SPOCK3: variants seen among roughly 807,000 people sequenced by gnomAD.
SPOCK3 encodes the protein testican-3.
In SPOCK3, 30 loss-of-function variants were observed where a neutral mutation model predicts 56.6. That is an observed-to-expected ratio of 0.53 (90% CI 0.40 to 0.72). The LOEUF (loss-of-function observed/expected upper bound fraction) is 0.72. Among genes scored for constraint, SPOCK3 ranks in the 30% least tolerant of loss-of-function variants. SPOCK3 has a pLI of 0.00. For missense variants in SPOCK3, 527 were observed against 530.0 expected, an observed-to-expected ratio of 0.99 and a Z score of 0.06; for synonymous variants, 196 against 183.3, an observed-to-expected ratio of 1.07 and a Z score of -0.56.
At chr4:166,826,057 A>G (rs763643393) in intron 6 of SPOCK3, among the ~76,000 whole-genome samples, 2 of 152,116 alleles carry the variant, frequency 1.3e-5, no homozygotes, top group Non-Finnish European at 2.9e-5. Flanking sequence ...TAAGAAAGAC[A>G]GTAATATAGT....
intron 4 of SPOCK3, among the ~76,000 whole-genome samples, chr4:166,999,419 T>A (rs1194743012): frequency 6.6e-6 from 1 of 152,214 alleles, no homozygotes; most frequent in African/African-American, 2.4e-5. Flanking sequence ...ATGCTATTTA[T>A]GTTCTTATTT....
intron 2 of SPOCK3, among the ~76,000 whole-genome samples, chr4:167,063,309 A>G (rs552589870): frequency 8.0e-4 from 121 of 151,972 alleles, no homozygotes; most frequent in African/African-American, 2.8e-3. Flanking sequence ...CCACTCTAAA[A>G]GCCTTATAAA....
intron 8 of SPOCK3, chr4:166,754,256 T>C (rs917546790): frequency 7.7e-6 from 9 of 1,161,730 alleles, no homozygotes; most frequent in African/African-American, 3.2e-5. Context: ...TGGTGGCTCA[T>C]AATGGAAACT....
chr4:167,001,736 G>A (rs1452121299), intron 3 of SPOCK3, among the ~76,000 whole-genome samples: 1 of 151,868 alleles, frequency 6.6e-6, no homozygotes, highest in African/African-American at 2.4e-5. Context: ...AATGAAATAT[G>A]GTAAACAAAA....
At chr4:166,937,394 T>C (rs2150008599) in intron 4 of SPOCK3, among the ~76,000 whole-genome samples, 1 of 149,470 alleles carries the variant, frequency 6.7e-6, no homozygotes, top group South Asian at 2.1e-4. Context: ...CACACACGTA[T>C]ATATTATATG....
chr4:167,009,168 CCAA>C (rs70957804), intron 3 of SPOCK3, among the ~76,000 whole-genome samples: 5 of 151,964 alleles, frequency 3.3e-5, no homozygotes, highest in African/African-American at 4.8e-5. Context: ...TAACAAACAT[CCAA>C]CAACAACAAA....
At position 166,785,694 on chromosome 4, in the gene SPOCK3, G is replaced by A. The variant is rs28375736; in HGVS notation, c.709+6476C>T. The stretch of plus-strand genomic sequence containing the variant: ...ACTTTCAAGGTTCATTGACTTTTTT[G>A]AAAAAGCAAAATATCTTTCCATTTA... On this transcript the variant is annotated intron_variant, in intron 7 of 10. Transcript: ENST00000357545. 4.8e-3 allele frequency among the ~76,000 whole-genome samples: 736 copies of A among 151,980 alleles called. 10 individuals are homozygous for A. The highest frequency in any genetic ancestry group is 0.017 in the African/African-American group (694 of 41,482).
intron 2 of SPOCK3, 34 bp from the exon 3 acceptor site, chr4:167,062,571 C>G: frequency 6.5e-7 from 1 of 1,535,336 alleles, no homozygotes; most frequent in Non-Finnish European, 8.9e-7. Flanking sequence ...TGAGTGTATA[C>G]AAGTAATTAA....
chr4:167,005,464 C>T (rs904669236), intron 3 of SPOCK3, among the ~76,000 whole-genome samples: 5 of 151,982 alleles, frequency 3.3e-5, no homozygotes, highest in South Asian at 2.1e-4. Context: ...CCGCCCGCCT[C>T]GGCCTCCCAA....
intron 6 of SPOCK3, among the ~76,000 whole-genome samples, chr4:166,878,297 A>C (rs1733310552): frequency 6.6e-6 from 1 of 152,118 alleles, no homozygotes; most frequent in African/African-American, 2.4e-5. Flanking sequence ...ATTGAAACAA[A>C]GTTATAAACA....
intron 2 of SPOCK3, among the ~76,000 whole-genome samples, chr4:167,137,051 T>G (rs1163783079): frequency 2.0e-5 from 3 of 152,090 alleles, no homozygotes; most frequent in African/African-American, 7.2e-5. Context: ...CTACCCCAAA[T>G]AGCCTTGCCA....
rs1036348649 is a variant in SPOCK3, at chr4:166,734,562, A to T, written c.*359T>A. Reference sequence around the variant, plus strand: ...TTATTTATTTTAAATTTCACTTAGAATTATCTTTCAGAAAATTAACATGTA... The same window carrying T: ...TTATTTATTTTAAATTTCACTTAGATTTATCTTTCAGAAAATTAACATGTA... On this transcript the variant is annotated 3_prime_UTR_variant, in exon 11 of 11. Transcript: ENST00000357545. The T allele has an allele frequency of 6.0e-6, 1 of 166,226 alleles. No homozygotes were observed. Among genetic ancestry groups the T allele is most frequent in the Non-Finnish European group, 1.3e-5 (1 of 77,854 alleles). 10.3% of individuals were successfully genotyped at this position (166,226 alleles called of 1,614,324 possible).
At chr4:166,947,355 A>G (rs1200973291) in intron 4 of SPOCK3, among the ~76,000 whole-genome samples, 2 of 152,278 alleles carry the variant, frequency 1.3e-5, no homozygotes, top group African/African-American at 2.4e-5. Context: ...TTAGAGCGTT[A>G]TCATTTTCTA....
chr4:166,951,377 A>C lies in SPOCK3; in HGVS notation c.351-38634T>G, dbSNP rs1334504393. On this transcript the variant is annotated intron_variant, in intron 4 of 10. Transcript: ENST00000357545. ...GACACATACACTCTCCCAAGACTAA[A>C]CCAGGAAGAAGTTGAATCTCTGAAT... Among the ~76,000 whole-genome samples the C allele has an allele frequency of 4.0e-4, 55 of 138,806 alleles. 13 individuals are homozygous for C. The highest frequency in any genetic ancestry group is 1.6e-3 in the African/African-American group (53 of 33,042). 91.1% of individuals were successfully genotyped at this position (138,806 alleles called of 152,430 possible).
intron 3 of SPOCK3, among the ~76,000 whole-genome samples, chr4:167,035,879 A>G (rs1752704469): frequency 6.6e-6 from 1 of 151,778 alleles, no homozygotes; most frequent in South Asian, 2.1e-4. Context: ...GATTTCTGCA[A>G]CTCCATGTCA....
intron 2 of SPOCK3, among the ~76,000 whole-genome samples, chr4:167,224,886 C>T (rs774194365): frequency 7.2e-5 from 11 of 152,004 alleles, no homozygotes; most frequent in Non-Finnish European, 1.0e-4. Flanking sequence ...AGGATGGTCT[C>T]GATCTGCTGA....
chr4:167,183,198 T>TCAGCC (rs1206962307), intron 2 of SPOCK3, among the ~76,000 whole-genome samples: 29 of 151,970 alleles, frequency 1.9e-4, no homozygotes, highest in African/African-American at 6.3e-4. Flanking sequence ...ATGAAAACAT[T>TCAGCC]CAGCCCAGCC....
chr4:166,807,747 A>G (rs1331886332), intron 6 of SPOCK3, among the ~76,000 whole-genome samples: 4 of 152,130 alleles, frequency 2.6e-5, no homozygotes, highest in Non-Finnish European at 5.9e-5. Context: ...TTTATCAGGT[A>G]AGAAGAAAAA....
At chr4:166,888,194 A>G (rs755945578) in intron 6 of SPOCK3, among the ~76,000 whole-genome samples, 1 of 151,848 alleles carries the variant, frequency 6.6e-6, no homozygotes, top group Non-Finnish European at 1.5e-5. Flanking sequence ...GAAATACATA[A>G]GTTTATATTA....
Sources: gnomAD v4.1 joint callset for allele counts (sites outside exome capture counted in the v4.1 genomes callset) on GRCh38, gnomAD v4.1.1 for gene constraint, MANE v1.5 for transcripts, NCBI Gene and HGNC (gene_info 2026-07-23, HGNC 2026-07-21) for gene names.